ARHGAP24: variants seen among roughly 807,000 people sequenced by gnomAD.
ARHGAP24 encodes the protein Rho GTPase activating protein 24, also known as rho GTPase-activating protein 24.
ARHGAP24 carries 50 observed loss-of-function variants against 76.4 expected under a neutral mutation model. The observed-to-expected ratio is 0.65, with a 90% CI of 0.52 to 0.83. The LOEUF (loss-of-function observed/expected upper bound fraction) is 0.83, where lower values mean the gene tolerates loss of function less well. Among genes scored for constraint, ARHGAP24 ranks in the 40% least tolerant of loss-of-function variants. The pLI is 0.00. For missense variants in ARHGAP24, 930 were observed against 914.2 expected (o/e 1.02, Z -0.22); for synonymous variants, 345 against 323.3 (o/e 1.07, Z -0.72).
At chr4:85,748,977 G>A (rs1444020260) in intron 3 of ARHGAP24, among the ~76,000 whole-genome samples, 1 of 152,100 alleles carries the variant, frequency 6.6e-6, no homozygotes, top group Non-Finnish European at 1.5e-5. Context: ...GCAGAATACG[G>A]TCACCAACAA....
chr4:85,933,775 G>C (rs559132149), intron 4 of ARHGAP24, among the ~76,000 whole-genome samples: 1 of 152,242 alleles, frequency 6.6e-6, no homozygotes, highest in Non-Finnish European at 1.5e-5. Context: ...GGGTCTAGTC[G>C]TAAGAGGCTA....
chr4:85,839,932 C>T (rs1730505465), intron 3 of ARHGAP24, among the ~76,000 whole-genome samples: 1 of 147,318 alleles, frequency 6.8e-6, no homozygotes, highest in African/African-American at 2.5e-5. Flanking sequence ...TCACTGCAAC[C>T]TCTGCCTCCC....
At chr4:85,849,874 A>G (rs977668363) in intron 3 of ARHGAP24, among the ~76,000 whole-genome samples, 1 of 152,120 alleles carries the variant, frequency 6.6e-6, no homozygotes, top group Non-Finnish European at 1.5e-5. Flanking sequence ...GGATTTTTGC[A>G]TCGATGTTCA....
At chr4:85,666,577 G>T (rs7690114) in intron 2 of ARHGAP24, among the ~76,000 whole-genome samples, 4,463 of 152,232 alleles carry the variant, frequency 0.029, 203 homozygotes, top group African/African-American at 0.1. Context: ...CACTCTGCTT[G>T]TTAGAGTTTC....
rs117619105 is a variant in ARHGAP24 at position 85,658,675 on chromosome 4, G to A, written c.181-63210G>A. 9.2e-5 allele frequency among the ~76,000 whole-genome samples: 14 copies of A among 152,276 alleles called. No individual in the cohort carries two copies. The East Asian group carries it at 2.7e-3, about 29-fold the overall frequency. Reference sequence around the variant, plus strand: ...CGACTGTCTTCATAGTAATATTAGCGTGTTTTCACACAGTATAGTCATGAA... The same window carrying A: ...CGACTGTCTTCATAGTAATATTAGCATGTTTTCACACAGTATAGTCATGAA... On this transcript the variant is annotated intron_variant, in intron 2 of 9. Coordinates refer to ENST00000395184, the MANE Select transcript of ARHGAP24 (RefSeq NM_001025616.3).
At chr4:85,722,550 A>G (rs17393306) in intron 3 of ARHGAP24, 7,142 of 156,568 alleles carry the variant, frequency 0.046, 237 homozygotes, top group Non-Finnish European at 0.066. Flanking sequence ...AAGACATCAA[A>G]TCCCTCAGTT....
chr4:85,626,169 T>C (rs1720946340), intron 2 of ARHGAP24, among the ~76,000 whole-genome samples: 1 of 152,228 alleles, frequency 6.6e-6, no homozygotes, highest in African/African-American at 2.4e-5. Context: ...CTAGCCTTGA[T>C]GGTCTTTACA....
chr4:85,758,281 T>C (rs1420667290), intron 3 of ARHGAP24, among the ~76,000 whole-genome samples: 1 of 152,144 alleles, frequency 6.6e-6, no homozygotes, highest in African/African-American at 2.4e-5. Flanking sequence ...GTGAGGGTCC[T>C]CAAAGGGAGC....
At chr4:85,669,651 A>G (rs1722753164) in intron 2 of ARHGAP24, among the ~76,000 whole-genome samples, 1 of 28,296 alleles carries the variant, frequency 3.5e-5, no homozygotes, top group Admixed American at 4.8e-4. Flanking sequence ...TCAAATATAT[A>G]TATATATATA....
chr4:85,495,341 A>ATTTT (rs35138716), intron 1 of ARHGAP24, among the ~76,000 whole-genome samples: 27 of 53,088 alleles, frequency 5.1e-4, no homozygotes, highest in African/African-American at 1.6e-3. Flanking sequence ...GAAGTACAGA[A>ATTTT]TTTTTTTTTT....
chr4:85,492,258 C>G (rs1723387825), intron 1 of ARHGAP24, among the ~76,000 whole-genome samples: 1 of 152,066 alleles, frequency 6.6e-6, no homozygotes, highest in Admixed American at 6.6e-5. Flanking sequence ...GGCCCTCTTT[C>G]TTCTTCAGTT....
At chr4:85,721,699 A>G (rs1724945671) in intron 2 of ARHGAP24, among the ~76,000 whole-genome samples, 186 bp from the exon 3 acceptor site, 1 of 152,192 alleles carries the variant, frequency 6.6e-6, no homozygotes, top group Non-Finnish European at 1.5e-5. Flanking sequence ...CTCAACAAGT[A>G]TTCGTTAAAT....
At chr4:85,490,263 T>C (rs533144139) in intron 1 of ARHGAP24, among the ~76,000 whole-genome samples, 1 of 152,302 alleles carries the variant, frequency 6.6e-6, no homozygotes, top group South Asian at 2.1e-4. Context: ...GGTCTAGTGA[T>C]TGCTTACAAG....
At chr4:85,845,556 C>G (rs1365270261) in intron 3 of ARHGAP24, among the ~76,000 whole-genome samples, 1 of 152,150 alleles carries the variant, frequency 6.6e-6, no homozygotes, top group Admixed American at 6.5e-5. Context: ...TATTTGCCTT[C>G]CCAGGATTTT....
At chr4:85,592,707 A>T (rs1728167718) in intron 2 of ARHGAP24, among the ~76,000 whole-genome samples, 1 of 152,118 alleles carries the variant, frequency 6.6e-6, no homozygotes, top group African/African-American at 2.4e-5. Context: ...TTTAATTTTT[A>T]ACTCCCACAT....
chr4:85,921,917 C>G (rs868013581), intron 3 of ARHGAP24, among the ~76,000 whole-genome samples: 55 of 152,190 alleles, frequency 3.6e-4, no homozygotes, highest in Admixed American at 9.2e-4. Context: ...CATCCCCCCC[C>G]ACCACCCCAT....
intron 2 of ARHGAP24, among the ~76,000 whole-genome samples, chr4:85,660,794 C>CAAAAAAA (rs34228407): frequency 0.011 from 647 of 59,402 alleles, 123 homozygotes; most frequent in African/African-American, 0.035. Flanking sequence ...GACTCCGTCT[C>CAAAAAAA]AAAAAAAAAA....
chr4:85,982,297 T>A (rs1739711798), intron 8 of ARHGAP24, among the ~76,000 whole-genome samples: 1 of 152,052 alleles, frequency 6.6e-6, no homozygotes, highest in Non-Finnish European at 1.5e-5. Context: ...AGAAACCTGA[T>A]ACCCAATGAG....
chr4:85,983,851 C>A (rs2148862334), intron 8 of ARHGAP24, among the ~76,000 whole-genome samples: 1 of 152,276 alleles, frequency 6.6e-6, no homozygotes, highest in Admixed American at 6.5e-5. Flanking sequence ...CTCCTCTTTT[C>A]TTATTCATTC....
Sources: gnomAD v4.1 joint callset for allele counts (sites outside exome capture counted in the v4.1 genomes callset) on GRCh38, gnomAD v4.1.1 for gene constraint, MANE v1.5 for transcripts, NCBI Gene and HGNC (gene_info 2026-07-23, HGNC 2026-07-21) for gene names.